The following GLB1 variants were observed in gnomAD, a reference collection of about 807,000 sequenced individuals.
GLB1 encodes the protein galactosidase beta 1.
A neutral mutation model predicts 74.0 loss-of-function variants in GLB1; 56 were observed. The ratio of observed to expected loss-of-function variants is 0.76; its 90% CI spans 0.61 to 0.94. The LOEUF (loss-of-function observed/expected upper bound fraction) is 0.94, where lower values mean the gene tolerates loss of function less well. GLB1 is among the 40% of genes least tolerant of loss of function. GLB1 has a pLI of 0.00. For missense variants in GLB1, 787 were observed against 845.5 expected, an observed-to-expected ratio of 0.93 and a Z score of 0.86; for synonymous variants, 323 against 323.6, an observed-to-expected ratio of 1.00 and a Z score of 0.02.
At chr3:33,000,870 G>A (rs985961130) in intron 15 of GLB1, among the ~76,000 whole-genome samples, 1 of 152,158 alleles carries the variant, frequency 6.6e-6, no homozygotes, top group African/African-American at 2.4e-5. Flanking sequence ...TATCCTCACA[G>A]CCTGACTTCC....
chr3:33,005,971 C>G (rs776528752), intron 15 of GLB1, among the ~76,000 whole-genome samples: 27 of 152,148 alleles, frequency 1.8e-4, no homozygotes, highest in Non-Finnish European at 2.6e-4. Context: ...CTCTTCAAAG[C>G]ATAATTTTGG....
rs1245739063 is a variant in GLB1, at chr3:33,093,394, G to A, written c.75+3617C>T. The A allele has an allele frequency of 6.2e-7, 1 of 1,614,194 alleles. No homozygotes were observed. The highest frequency in any genetic ancestry group is 1.1e-5 in the South Asian group (1 of 91,082). Reference sequence around the variant, plus strand: ...CCTGTGACGAAGTAGGCACCGAGATGTGAATGAAGCTGGCCCAGAGGAGCG... The same window carrying A: ...CCTGTGACGAAGTAGGCACCGAGATATGAATGAAGCTGGCCCAGAGGAGCG... On this transcript the variant is annotated intron_variant, in intron 1 of 15. Transcript: ENST00000307363. This position sits in a 1 kb window ranked among gnomAD's most constrained non-coding sequence, Gnocchi z 6.0.
chr3:33,090,588 G>C, intron 1 of GLB1: 1 of 985,300 alleles, frequency 1.0e-6, no homozygotes, highest in East Asian at 1.1e-4. Context: ...TTCAAGTAAC[G>C]TTTCTCACCA....
At chr3:33,029,944 C>A (rs1697934676) in intron 10 of GLB1, 1 of 134,886 alleles carries the variant, frequency 7.4e-6, no homozygotes, top group Non-Finnish European at 1.6e-5. Flanking sequence ...TACCCATGAA[C>A]CTAAAAGTTA....
chr3:33,057,307 C>T (rs995686084), intron 6 of GLB1, among the ~76,000 whole-genome samples: 8 of 152,180 alleles, frequency 5.3e-5, no homozygotes, highest in Non-Finnish European at 7.3e-5. Context: ...CCTATACAGC[C>T]TGTGAGTCCA....
chr3:33,065,774 C>G (rs1302960694), intron 4 of GLB1, among the ~76,000 whole-genome samples: 1 of 152,128 alleles, frequency 6.6e-6, no homozygotes, highest in Admixed American at 6.5e-5. Context: ...TCGAGACCAG[C>G]CTGACCAACA....
chr3:32,972,821 C>T, the GLB1 span, among the ~76,000 whole-genome samples: 1 of 152,274 alleles, frequency 6.6e-6, no homozygotes, highest in South Asian at 2.1e-4. Context: ...ACCCAATTCC[C>T]CCTAAGAAAG....
chr3:33,024,026 C>T (rs767675394), intron 11 of GLB1, among the ~76,000 whole-genome samples: 5 of 152,204 alleles, frequency 3.3e-5, no homozygotes, highest in Admixed American at 6.5e-5. Flanking sequence ...CTACTCCCAC[C>T]CATGTCTCAT....
intron 10 of GLB1, among the ~76,000 whole-genome samples, chr3:33,039,836 C>G (rs1698430721): frequency 6.6e-6 from 1 of 151,980 alleles, no homozygotes; most frequent in African/African-American, 2.4e-5. Flanking sequence ...AGGAAAATTC[C>G]TAAAAATCAA....
Position 33,097,041 on chromosome 3 carries a change from C to T in GLB1, c.45G>A (p.Leu15=), listed in dbSNP as rs1701063265. 6.2e-7 allele frequency: 1 copy of T among 1,612,424 alleles called. No individual in the cohort carries two copies. The highest frequency in any genetic ancestry group is 8.5e-7 in the Non-Finnish European group (1 of 1,179,042). ...LVRILPLLLV[L]LLLGPTRGLR... The stretch of plus-strand genomic sequence containing the variant: ...AGCCGCGCGTAGGGCCCAGAAGCAG[C>T]AGAACCAGCAACAGAGGGAGGATGC... The change falls in exon 1 of 16, where the codon CTG becomes CTA. Residue 15 remains leucine, a synonymous_variant. Transcript: ENST00000307363.
intron 9 of GLB1, among the ~76,000 whole-genome samples, 147 bp downstream of exon 9, chr3:33,051,603 CAAAAAAAA>C (rs59740209): frequency 2.7e-5 from 2 of 75,460 alleles, no homozygotes; most frequent in African/African-American, 8.6e-5. Flanking sequence ...AGACTGTCTA[CAAAAAAAA>C]AAAAAAAAGA....
the GLB1 span, among the ~76,000 whole-genome samples, chr3:32,987,602 A>G: frequency 6.6e-6 from 1 of 152,182 alleles, no homozygotes. Context: ...ATGAGACTGC[A>G]TTGAACTGTC....
intron 9 of GLB1, 143 bp downstream of exon 9, chr3:33,051,615 A>AAGAAAAG (rs1698988963): frequency 8.7e-7 from 1 of 1,149,446 alleles, no homozygotes; most frequent in Non-Finnish European, 1.2e-6. Flanking sequence ...AAAAAAAAAA[A>AAGAAAAG]AAAAGAAAAA....
chr3:33,090,222 T>C (rs1700689329), intron 1 of GLB1, among the ~76,000 whole-genome samples: 1 of 152,210 alleles, frequency 6.6e-6, no homozygotes, highest in African/African-American at 2.4e-5. Flanking sequence ...TGAAGTAATT[T>C]TGGGGTAACA....
chr3:33,076,368 C>G (rs1700105614), intron 1 of GLB1, among the ~76,000 whole-genome samples: 1 of 152,190 alleles, frequency 6.6e-6, no homozygotes, highest in Non-Finnish European at 1.5e-5. Flanking sequence ...ATCGAATGAG[C>G]CCTGAAGTCC....
intron 6 of GLB1, among the ~76,000 whole-genome samples, chr3:33,055,782 A>G (rs1248151915): frequency 6.6e-6 from 1 of 151,110 alleles, no homozygotes; most frequent in East Asian, 1.9e-4. Context: ...TTTTTTTTTA[A>G]AAGGCAAAAA....
the GLB1 span, among the ~76,000 whole-genome samples, chr3:32,983,605 T>C: frequency 6.6e-6 from 1 of 152,216 alleles, no homozygotes; most frequent in African/African-American, 2.4e-5. Flanking sequence ...TATGGTCTTA[T>C]GTTGCTTTGT....
At chr3:33,042,850 C>A (rs555067702) in intron 10 of GLB1, among the ~76,000 whole-genome samples, 1 of 152,188 alleles carries the variant, frequency 6.6e-6, no homozygotes, top group Non-Finnish European at 1.5e-5. Context: ...TGAGCTCCAC[C>A]TTTTCAGGAA....
chr3:33,018,326 AT>A, intron 13 of GLB1, 121 bp downstream of exon 13: 1 of 397,144 alleles, frequency 2.5e-6, no homozygotes, highest in East Asian at 6.8e-5. Flanking sequence ...AAAAAAAAAG[AT>A]GATGGGTAGA....
Sources: gnomAD v4.1 joint callset for allele counts (sites outside exome capture counted in the v4.1 genomes callset) on GRCh38, gnomAD v4.1.1 for gene constraint, Gnocchi (gnomAD v3.1) non-coding constraint, MANE v1.5 for transcripts, NCBI Gene and HGNC (gene_info 2026-07-23, HGNC 2026-07-21) for gene names.